ABCA5: variants seen among roughly 807,000 people sequenced by gnomAD.
The protein encoded by ABCA5 is cholesterol transporter ABCA5.
Under a neutral mutation model 206.0 loss-of-function variants are expected in ABCA5, and 163 were observed. The ratio of observed to expected loss-of-function variants is 0.79; its 90% confidence interval spans 0.70 to 0.90. ABCA5 has a LOEUF of 0.90. Among genes scored for constraint, ABCA5 ranks in the 40% least tolerant of loss-of-function variants. The pLI is 0.00. For synonymous variants in ABCA5, 609 were observed against 613.8 expected (o/e 0.99, Z 0.11); for missense variants, 1,859 against 1,912.9 (o/e 0.97, Z 0.53).
intron 1 of ABCA5, among the ~76,000 whole-genome samples, chr17:69,322,460 C>G (rs1479949574): frequency 6.7e-6 from 1 of 150,078 alleles, no homozygotes; most frequent in African/African-American, 2.5e-5. Flanking sequence ...TGTACATAAC[C>G]TTTAGAAATA....
At chr17:69,280,595 T>C (rs1396645625) in intron 18 of ABCA5, among the ~76,000 whole-genome samples, 2 of 151,516 alleles carry the variant, frequency 1.3e-5, no homozygotes, top group Non-Finnish European at 2.9e-5. Flanking sequence ...ATATGTTTAT[T>C]GTGGCACTAT....
At position 69,295,820 on chromosome 17, in the gene ABCA5, G is replaced by A. The variant is rs141089538; in HGVS notation, c.1437-1107C>T. 1.5e-3 allele frequency among the ~76,000 whole-genome samples: 224 copies of A among 152,000 alleles called. 2 individuals carry two copies. Among genetic ancestry groups the A allele is most frequent in the African/African-American group, 4.9e-3 (204 of 41,456 alleles). On this transcript the variant is annotated intron_variant, in intron 10 of 38. Coordinates refer to ENST00000392676, the MANE Select transcript of ABCA5 (RefSeq NM_172232.4). ...ATTTCTAGGCTAACAGTTCATCTGC[G>A]AGTTTTTTCAAATTGTTACAAATCT... is the stretch of plus-strand genomic sequence containing the variant.
rs1441353098 is a variant in ABCA5, at chr17:69,304,942, G to A, written c.789-132C>T. The stretch of plus-strand genomic sequence containing the variant: ...TAAGTCACTGTTCATTTCTGTGTAT[G>A]CTTATGTACTAAAAATTAATAGTCT... On this transcript the variant is annotated intron_variant, in intron 6 of 38. Transcript: ENST00000392676. 4.3e-6 allele frequency: 3 copies of A among 696,640 alleles called. No homozygotes were observed. In the African/African-American group the frequency reaches 5.6e-5, roughly 13 times the overall value. 43.2% of individuals were successfully genotyped at this position (696,640 alleles called of 1,614,324 possible).
chr17:69,255,243 A>G (rs567091191), intron 31 of ABCA5, among the ~76,000 whole-genome samples: 43 of 152,276 alleles, frequency 2.8e-4, no homozygotes, highest in Admixed American at 7.2e-4. Context: ...ACAAGCTCCC[A>G]TATCTCCTGA....
chr17:69,250,811 T>C lies in ABCA5; in HGVS notation c.4536-190A>G, dbSNP rs144840962. The C allele has an allele frequency of 6.6e-3, 2,306 of 351,552 alleles. 10 individuals carry two copies. The highest frequency in any genetic ancestry group is 8.3e-3 in the Non-Finnish European group (1,647 of 197,822). 21.8% of individuals were successfully genotyped at this position (351,552 alleles called of 1,614,324 possible). On this transcript the variant is annotated intron_variant, in intron 35 of 38. Transcript: ENST00000392676. ...CTAATCTTATCATCTTATATTACCA[T>C]GGTAAATTCCTCACAACTGAGACAC...
rs1598216841 is a variant in ABCA5 at position 69,326,992 on chromosome 17, C to G, written c.-16+60G>C. On this transcript the variant is annotated intron_variant, in intron 1 of 38. Coordinates refer to ENST00000392676, the MANE Select transcript of ABCA5 (RefSeq NM_172232.4). This position sits in a 1 kb window ranked among gnomAD's most constrained non-coding sequence, Gnocchi z 4.8. ...CCCCTCCTCGTCCCCTCAACTCCCC[C>G]AGGGACGGCTGTCCCAGGCTAGCCT... 1 of 155,820 alleles carries G rather than the reference C, an allele frequency of 6.4e-6. No homozygotes were observed. Among genetic ancestry groups the G allele is most frequent in the South Asian group, 1.9e-4 (1 of 5,310 alleles). 9.7% of individuals were successfully genotyped at this position (155,820 alleles called of 1,614,324 possible). A position where few individuals can be genotyped will look rare whatever the true frequency, so the allele number is the denominator to read the frequency against.
rs1048269473 is a variant in ABCA5, at chr17:69,282,980, CTTTTT to C, written c.2392+968_2392+972del. ...TATAACCCAAATATCTGTTCTTTCC[CTTTTT>C]TTTTTTTTTTTTTTTTTTTTAAACA... is the stretch of plus-strand genomic sequence containing the variant. On this transcript the variant is annotated intron_variant, in intron 18 of 38. Transcript: ENST00000392676. 1.2e-4 allele frequency among the ~76,000 whole-genome samples: 14 copies of C among 112,986 alleles called. 1 individual carries two copies. The East Asian group carries it at 2.1e-3, about 17-fold the overall frequency. The allele number at this position is 112,986 out of a possible 152,430, so 74.1% of individuals were successfully genotyped here.
Position 69,300,845 on chromosome 17 carries a change from G to T in ABCA5, c.1267+294C>A, listed in dbSNP as rs574509088. ...ACTTCATAGTTTTAGACCTTAGAGG[G>T]TAAAATAAAATACTTCAATTAAAAA... On this transcript the variant is annotated intron_variant, in intron 9 of 38. Coordinates refer to ENST00000392676, the MANE Select transcript of ABCA5 (RefSeq NM_172232.4). Among the ~76,000 whole-genome samples, 7 of 152,152 alleles carry T rather than the reference G, an allele frequency of 4.6e-5. No homozygotes were observed. The South Asian group carries it at 1.5e-3, about 32-fold the overall frequency.
intron 17 of ABCA5, among the ~76,000 whole-genome samples, chr17:69,284,784 A>G (rs2075432095): frequency 6.6e-6 from 1 of 152,182 alleles, no homozygotes; most frequent in Non-Finnish European, 1.5e-5. Flanking sequence ...ACACTGTATA[A>G]TCATGAGAAG....
At chr17:69,283,931 G>A (rs771842559) in intron 18 of ABCA5, 22 bp downstream of exon 18, 2 of 1,598,318 alleles carry the variant, frequency 1.3e-6, no homozygotes, top group South Asian at 1.1e-5. Context: ...TGCCTAAAAT[G>A]TTTTGTTAGT....
chr17:69,326,060 A>C lies in ABCA5; in HGVS notation c.-16+992T>G, dbSNP rs2075895012. Among the ~76,000 whole-genome samples, 1 of 152,220 alleles carries C rather than the reference A, an allele frequency of 6.6e-6. No individual in the cohort carries two copies. The highest frequency in any genetic ancestry group is 1.5e-5 in the Non-Finnish European group (1 of 68,038). On this transcript the variant is annotated intron_variant, in intron 1 of 38. Coordinates refer to ENST00000392676, the MANE Select transcript of ABCA5 (RefSeq NM_172232.4). The surrounding 1 kb of genome is among the most constrained non-coding windows in gnomAD (Gnocchi z 4.8). ...ACACATACAATATTGCTCTCCCGGC[A>C]AACACAAAATATACTAAATAAAGCA...
Position 69,248,311 on chromosome 17 carries a change from T to G in ABCA5, c.4772A>C (p.His1591Pro). The change falls in exon 38 of 39, where the codon CAT becomes CCT. Residue 1591 changes from histidine to proline, a missense_variant. His to Pro is a moderately conservative substitution (Grantham distance 77, BLOSUM62 -2). Coordinates refer to ENST00000392676, the MANE Select transcript of ABCA5 (RefSeq NM_172232.4). ...GCTATATTCTTCAATGGCAAAAGCA[T>G]GTTTAGCTATTAAAATATAAAAATA... ...QSFFKLEEAK[H>P]AFAIEEYSFS... 2 of 1,557,320 alleles carry G rather than the reference T, an allele frequency of 1.3e-6. No individual in the cohort carries two copies. Among genetic ancestry groups the G allele is most frequent in the Non-Finnish European group, 1.8e-6 (2 of 1,139,314 alleles).
chr17:69,276,818 T>C (rs917768716), intron 19 of ABCA5, among the ~76,000 whole-genome samples: 1 of 152,176 alleles, frequency 6.6e-6, no homozygotes, highest in East Asian at 1.9e-4. Context: ...TAAAATAAAT[T>C]GAAACATGCT....
At chr17:69,288,383 AC>A (rs1198716364) in intron 14 of ABCA5, among the ~76,000 whole-genome samples, 1 of 152,164 alleles carries the variant, frequency 6.6e-6, no homozygotes, top group African/African-American at 2.4e-5. Flanking sequence ...ACAAATACAT[AC>A]AAAATCAAAG....
chr17:69,249,724 T>C (rs1048412905), intron 37 of ABCA5, 181 bp downstream of exon 37: 12 of 714,960 alleles, frequency 1.7e-5, no homozygotes, highest in Non-Finnish European at 2.6e-5. Context: ...TCTGCCATAG[T>C]TTCTAAAATA....
intron 24 of ABCA5, among the ~76,000 whole-genome samples, 162 bp downstream of exon 24, chr17:69,264,573 T>C (rs1165692230): frequency 6.6e-6 from 1 of 152,198 alleles, no homozygotes; most frequent in Non-Finnish European, 1.5e-5. Flanking sequence ...AAGTCACTTA[T>C]CATATAAAAT....
At chr17:69,247,836 AATAG>A (rs2074969099) in intron 38 of ABCA5, among the ~76,000 whole-genome samples, 192 bp from the exon 39 acceptor site, 1 of 152,088 alleles carries the variant, frequency 6.6e-6, no homozygotes, top group African/African-American at 2.4e-5. Context: ...ATTTTAGATT[AATAG>A]ATATGTTTTT....
intron 31 of ABCA5, among the ~76,000 whole-genome samples, chr17:69,254,749 C>A (rs950664972): frequency 6.6e-6 from 1 of 152,022 alleles, no homozygotes; most frequent in African/African-American, 2.4e-5. Flanking sequence ...GTCTTGAATT[C>A]CTGAGCTCAA....
chr17:69,282,980 CTTTTTTT>C (rs1048269473), intron 18 of ABCA5, among the ~76,000 whole-genome samples: 9 of 112,978 alleles, frequency 8.0e-5, no homozygotes, highest in Non-Finnish European at 1.2e-4. Context: ...TGTTCTTTCC[CTTTTTTT>C]TTTTTTTTTT....
Sources: allele counts gnomAD v4.1 joint callset (sites outside exome capture counted in the v4.1 genomes callset), GRCh38; gene constraint gnomAD v4.1.1; non-coding constraint Gnocchi (gnomAD v3.1); transcripts MANE v1.5; gene names NCBI Gene and HGNC (gene_info 2026-07-23, HGNC 2026-07-21).